Variants in TSGA10 observed in about 807,000 individuals in gnomAD.
TSGA10 encodes testis-specific gene 10 protein.
Under a neutral mutation model 96.6 loss-of-function variants are expected in TSGA10, and 43 were observed. The ratio of observed to expected loss-of-function variants is 0.44; its 90% CI spans 0.35 to 0.57. The LOEUF (loss-of-function observed/expected upper bound fraction) is 0.57, where lower values mean the gene tolerates loss of function less well. Ranked by LOEUF, TSGA10 falls within the 20% of genes least tolerant of loss-of-function variation. The pLI, the probability that TSGA10 is intolerant of heterozygous loss-of-function variation, is 0.01. For missense variants in TSGA10, 703 were observed against 834.4 expected, an observed-to-expected ratio of 0.84 and a Z score of 1.94; for synonymous variants, 229 against 269.9, an observed-to-expected ratio of 0.85 and a Z score of 1.48.
intron 20 of TSGA10, among the ~76,000 whole-genome samples, chr2:99,006,586 C>A (rs905735875): frequency 6.6e-6 from 1 of 152,122 alleles, no homozygotes; most frequent in African/African-American, 2.4e-5. Context: ...AAATCAAAAC[C>A]ACAATGAGAT....
intron 1 of TSGA10, among the ~76,000 whole-genome samples, chr2:99,138,045 T>C (rs890678540): frequency 6.6e-6 from 1 of 152,196 alleles, no homozygotes; most frequent in African/African-American, 2.4e-5. Flanking sequence ...ACTTGGATCT[T>C]AGAATTCCCA....
chr2:99,127,095 G>C lies in TSGA10; in HGVS notation c.-539C>G. 1 of 1,289,548 alleles carries C rather than the reference G, an allele frequency of 7.8e-7. No individual in the cohort carries two copies. The highest frequency in any genetic ancestry group is 1.5e-5 in the African/African-American group (1 of 65,928). The allele number at this position is 1,289,548 out of a possible 1,614,324, so 79.9% of individuals were successfully genotyped here. On this transcript the variant is annotated 5_prime_UTR_variant, in exon 2 of 21. Coordinates refer to ENST00000393483, the MANE Select transcript of TSGA10 (RefSeq NM_025244.4). Reference sequence around the variant, plus strand: ...AATCTATCTTGGTTTCTCACTTCTTGTTCTAGCTGGAGAGTATTCTGGTAG... The same window carrying C: ...AATCTATCTTGGTTTCTCACTTCTTCTTCTAGCTGGAGAGTATTCTGGTAG...
chr2:99,141,084 T>C, intron 1 of TSGA10: 1 of 1,283,104 alleles, frequency 7.8e-7, no homozygotes, highest in Non-Finnish European at 1.0e-6. Flanking sequence ...AGCTTCTACC[T>C]GGAGCTCCGG....
At chr2:99,121,642 T>C (rs2092579229) in intron 2 of TSGA10, among the ~76,000 whole-genome samples, 1 of 151,852 alleles carries the variant, frequency 6.6e-6, no homozygotes, top group Admixed American at 6.6e-5. Flanking sequence ...AGATAATTTG[T>C]GTAATTTTTA....
At chr2:99,086,466 T>C (rs1254090334) in intron 10 of TSGA10, among the ~76,000 whole-genome samples, 1 of 152,230 alleles carries the variant, frequency 6.6e-6, no homozygotes, top group Non-Finnish European at 1.5e-5. Context: ...TAACTCATCA[T>C]ATTAACAGAC....
chr2:99,009,902 G>A (rs1417993530), intron 20 of TSGA10, among the ~76,000 whole-genome samples: 2 of 152,182 alleles, frequency 1.3e-5, no homozygotes, highest in African/African-American at 4.8e-5. Context: ...CACCACATGT[G>A]TATATAAGAA....
At chr2:99,064,432 A>G (rs2085036628) in intron 16 of TSGA10, among the ~76,000 whole-genome samples, 1 of 152,174 alleles carries the variant, frequency 6.6e-6, no homozygotes, top group East Asian at 1.9e-4. Context: ...TTAAATAAAA[A>G]CCAAAACATA....
chr2:99,004,525 TA>T (rs2104813702), intron 20 of TSGA10, among the ~76,000 whole-genome samples: 1 of 151,952 alleles, frequency 6.6e-6, no homozygotes, highest in East Asian at 1.9e-4. Flanking sequence ...TCTACGCAAA[TA>T]AACTAGAAAA....
At chr2:99,137,905 G>T (rs62156397) in intron 1 of TSGA10, among the ~76,000 whole-genome samples, 5 of 143,520 alleles carry the variant, frequency 3.5e-5, no homozygotes, top group Non-Finnish European at 6.1e-5. Flanking sequence ...AAAAAAAAAG[G>T]CACAGCCATG....
At chr2:99,121,748 G>T (rs983086920) in intron 2 of TSGA10, among the ~76,000 whole-genome samples, 1 of 152,054 alleles carries the variant, frequency 6.6e-6, no homozygotes, top group Non-Finnish European at 1.5e-5. Flanking sequence ...TTATAGCCAC[G>T]AGCCACCACA....
chr2:99,052,729 C>T (rs551394034), intron 16 of TSGA10, among the ~76,000 whole-genome samples: 32 of 151,040 alleles, frequency 2.1e-4, no homozygotes, highest in Non-Finnish European at 4.1e-4. Flanking sequence ...CAGAGCGAGA[C>T]TCCATCTCAA....
chr2:99,099,685 A>C lies in TSGA10; in HGVS notation c.611+4282T>G, dbSNP rs573890649. On this transcript the variant is annotated intron_variant, in intron 10 of 20. Coordinates refer to ENST00000393483, the MANE Select transcript of TSGA10 (RefSeq NM_025244.4). The stretch of plus-strand genomic sequence containing the variant: ...ATTACATAGTTATCAAAGAACCTAC[A>C]AGAAATATATTGAATAGTTAATTAG... Among the ~76,000 whole-genome samples, 36 of 152,334 alleles carry C rather than the reference A, an allele frequency of 2.4e-4. No individual in the cohort carries two copies. The South Asian group carries it at 7.0e-3, about 30-fold the overall frequency.
intron 7 of TSGA10, among the ~76,000 whole-genome samples, chr2:99,107,529 AC>A (rs2091457870): frequency 6.6e-6 from 1 of 152,180 alleles, no homozygotes. Flanking sequence ...AACAGCCTGT[AC>A]CATTTAGTCC....
chr2:99,025,048 C>T (rs564363835), intron 17 of TSGA10, among the ~76,000 whole-genome samples: 3 of 151,982 alleles, frequency 2.0e-5, no homozygotes, highest in Non-Finnish European at 4.4e-5. Context: ...AGTATTTTCT[C>T]GAGAATTTTT....
At chr2:99,106,636 C>T (rs2091372188) in intron 7 of TSGA10, among the ~76,000 whole-genome samples, 1 of 142,542 alleles carries the variant, frequency 7.0e-6, no homozygotes, top group African/African-American at 2.5e-5. Context: ...ACCTGGCTCC[C>T]ACCCTCCCAC....
intron 1 of TSGA10, among the ~76,000 whole-genome samples, chr2:99,135,714 G>A (rs1209010622): frequency 1.3e-5 from 2 of 152,120 alleles, no homozygotes; most frequent in African/African-American, 4.8e-5. Context: ...ATGATAATAA[G>A]AGTATCTGCA....
intron 17 of TSGA10, among the ~76,000 whole-genome samples, chr2:99,032,189 C>T (rs532722156): frequency 5.9e-5 from 9 of 152,196 alleles, no homozygotes; most frequent in African/African-American, 1.7e-4. Flanking sequence ...CACTTCCATC[C>T]GTGTCTCTTT....
intron 20 of TSGA10, among the ~76,000 whole-genome samples, chr2:98,999,097 C>T (rs563711927): frequency 1.3e-5 from 2 of 152,020 alleles, no homozygotes; most frequent in South Asian, 2.1e-4. Context: ...GGTTTTGCCA[C>T]GTTGGCCAGG....
intron 12 of TSGA10, among the ~76,000 whole-genome samples, chr2:99,077,728 A>AT (rs749865433): frequency 6.6e-5 from 10 of 151,646 alleles, no homozygotes; most frequent in Non-Finnish European, 1.3e-4. Flanking sequence ...CGCCCAGCTA[A>AT]TTTTTTGTAT....
Sources: allele counts gnomAD v4.1 joint callset (sites outside exome capture counted in the v4.1 genomes callset), GRCh38; gene constraint gnomAD v4.1.1; transcripts MANE v1.5; gene names NCBI Gene and HGNC (gene_info 2026-07-23, HGNC 2026-07-21).